The following FAM13C variants were observed in gnomAD, a reference collection of about 807,000 sequenced individuals.
FAM13C encodes the protein protein FAM13C.
In FAM13C, 37 loss-of-function variants were observed where a neutral mutation model predicts 73.2. That is an observed-to-expected ratio of 0.51 (90% CI 0.39 to 0.67). The LOEUF is 0.67. FAM13C is among the 30% of genes least tolerant of loss of function. The pLI is 0.00. For missense variants in FAM13C, 589 were observed against 715.6 expected, an observed-to-expected ratio of 0.82 and a Z score of 2.02; for synonymous variants, 246 against 260.9, an observed-to-expected ratio of 0.94 and a Z score of 0.55.
chr10:59,360,609 A>C (rs890267087), intron 1 of FAM13C, among the ~76,000 whole-genome samples: 9 of 152,142 alleles, frequency 5.9e-5, no homozygotes, highest in Non-Finnish European at 5.9e-5. Context: ...GGCAATGACT[A>C]GTTTTAAACA....
chr10:59,322,264 C>T (rs1459448718), intron 4 of FAM13C, among the ~76,000 whole-genome samples: 2 of 152,154 alleles, frequency 1.3e-5, no homozygotes, highest in Non-Finnish European at 2.9e-5. Context: ...TGATAAATAA[C>T]TGTAGTTTAA....
chr10:59,355,763 A>G, intron 2 of FAM13C, 124 bp downstream of exon 2: 1 of 999,834 alleles, frequency 1.0e-6, no homozygotes. Context: ...AATCTAGTAG[A>G]AGAGATGAGA....
chr10:59,319,896 A>C (rs948492844), intron 4 of FAM13C, among the ~76,000 whole-genome samples: 1 of 152,200 alleles, frequency 6.6e-6, no homozygotes, highest in Non-Finnish European at 1.5e-5. Context: ...TCCATATTAA[A>C]ATGAAAACAT....
rs1840793404 is a variant in FAM13C, at chr10:59,247,314, T to G, written c.*300A>C. The G allele has an allele frequency of 9.6e-6, 3 of 311,982 alleles. No individual in the cohort carries two copies. The South Asian group carries it at 1.2e-4, about 12-fold the overall frequency. 19.3% of individuals were successfully genotyped at this position (311,982 alleles called of 1,614,324 possible). ...CTAACAAGTGTCCTAGCTATGTTAT[T>G]TAGATTTGATAAAATATTAGACATT... On this transcript the variant is annotated 3_prime_UTR_variant, in exon 14 of 14. Coordinates refer to ENST00000618804, the MANE Select transcript of FAM13C (RefSeq NM_198215.4).
intron 6 of FAM13C, among the ~76,000 whole-genome samples, chr10:59,271,780 A>G (rs1326269813): frequency 6.6e-6 from 1 of 152,228 alleles, no homozygotes; most frequent in Non-Finnish European, 1.5e-5. Context: ...CTAAGAAGAA[A>G]TGTGTTTTAT....
At chr10:59,276,950 C>A (rs1330628455) in intron 6 of FAM13C, among the ~76,000 whole-genome samples, 1 of 152,068 alleles carries the variant, frequency 6.6e-6, no homozygotes, top group Non-Finnish European at 1.5e-5. Context: ...GCAAATGGGT[C>A]CTGAATTAAT....
chr10:59,275,831 G>A (rs1271639058), intron 6 of FAM13C, among the ~76,000 whole-genome samples: 1 of 152,134 alleles, frequency 6.6e-6, no homozygotes, highest in African/African-American at 2.4e-5. Context: ...TTGGTCTAAT[G>A]TAAAAAGTAA....
chr10:59,276,256 A>C (rs1844311769), intron 6 of FAM13C, among the ~76,000 whole-genome samples: 1 of 152,212 alleles, frequency 6.6e-6, no homozygotes, highest in Admixed American at 6.5e-5. Context: ...GAACAATATG[A>C]AATGTCATTT....
chr10:59,263,619 GAA>G (rs1315006686), intron 9 of FAM13C, among the ~76,000 whole-genome samples: 2 of 152,172 alleles, frequency 1.3e-5, no homozygotes, highest in Non-Finnish European at 2.9e-5. Flanking sequence ...GAGAAAGACA[GAA>G]AAAGAAGGAC....
At chr10:59,277,489 A>G (rs1485294537) in intron 6 of FAM13C, among the ~76,000 whole-genome samples, 1 of 152,142 alleles carries the variant, frequency 6.6e-6, no homozygotes, top group East Asian at 1.9e-4. Context: ...ACCTCTGCTG[A>G]TATTTACAAA....
At chr10:59,291,134 T>C (rs1302890306) in intron 5 of FAM13C, among the ~76,000 whole-genome samples, 1 of 152,138 alleles carries the variant, frequency 6.6e-6, no homozygotes, top group African/African-American at 2.4e-5. Flanking sequence ...AGCTTTTCTC[T>C]GAGCCCCAGC....
intron 3 of FAM13C, among the ~76,000 whole-genome samples, chr10:59,351,331 C>CA (rs10666673): frequency 0.26 from 34,838 of 134,194 alleles, 4,876 homozygotes; most frequent in African/African-American, 0.33. Flanking sequence ...GACCCTGTCT[C>CA]AAAAAAAAAA....
intron 1 of FAM13C, among the ~76,000 whole-genome samples, chr10:59,357,357 G>T (rs1258233212): frequency 6.6e-6 from 1 of 152,102 alleles, no homozygotes; most frequent in African/African-American, 2.4e-5. Context: ...GTACCACTGA[G>T]ATCTTTTTGA....
intron 3 of FAM13C, among the ~76,000 whole-genome samples, chr10:59,338,191 T>C (rs973063569): frequency 3.3e-5 from 5 of 152,138 alleles, no homozygotes; most frequent in Non-Finnish European, 7.4e-5. Flanking sequence ...CTTAGATGCT[T>C]CACTGGGATG....
intron 1 of FAM13C, among the ~76,000 whole-genome samples, chr10:59,356,713 AT>A (rs778821640): frequency 3.9e-4 from 59 of 152,208 alleles, no homozygotes; most frequent in Non-Finnish European, 7.3e-4. Flanking sequence ...ATGATGGTTA[AT>A]ATTGAGTATT....
At chr10:59,283,178 T>C (rs1040065927) in intron 6 of FAM13C, among the ~76,000 whole-genome samples, 185 bp downstream of exon 6, 5 of 152,130 alleles carry the variant, frequency 3.3e-5, no homozygotes, top group Non-Finnish European at 1.5e-5. Flanking sequence ...AGGTCTATGT[T>C]ATAGCAAATC....
chr10:59,337,890 G>A (rs923119890), intron 3 of FAM13C, among the ~76,000 whole-genome samples: 28 of 151,580 alleles, frequency 1.8e-4, no homozygotes, highest in African/African-American at 4.6e-4. Context: ...ATGTTGGCCC[G>A]CCTGGTCTCG....
In FAM13C at chr10:59,319,106, C is replaced by T. The variant is rs545460466; in HGVS notation, c.443+4882G>A. Among the ~76,000 whole-genome samples, 7 of 148,226 alleles carry T rather than the reference C, an allele frequency of 4.7e-5. No individual in the cohort carries two copies. In the South Asian group the frequency reaches 1.5e-3, roughly 31 times the overall value. On this transcript the variant is annotated intron_variant, in intron 4 of 13. Coordinates refer to ENST00000618804, the MANE Select transcript of FAM13C (RefSeq NM_198215.4). Reference sequence around the variant, plus strand: ...ACACACACACACACACACACACACACACACACACACACATTGTCTATCTCA... The same window carrying T: ...ACACACACACACACACACACACACATACACACACACACATTGTCTATCTCA...
chr10:59,269,892 T>C lies in FAM13C; in HGVS notation c.803+7A>G. 5 of 1,613,598 alleles carry C rather than the reference T, an allele frequency of 3.1e-6. No individual in the cohort carries two copies. In the South Asian group the frequency reaches 4.4e-5, roughly 14 times the overall value. ...AAATGAAGACAATAACAAAACAGTT[T>C]TCTCACATCATAAACTGCTGAGTGC... On this transcript the variant is annotated splice_region_variant and intron_variant, in intron 7 of 13. Coordinates refer to ENST00000618804, the MANE Select transcript of FAM13C (RefSeq NM_198215.4).
Sources: gnomAD v4.1 joint callset for allele counts (sites outside exome capture counted in the v4.1 genomes callset) on GRCh38, gnomAD v4.1.1 for gene constraint, MANE v1.5 for transcripts, NCBI Gene and HGNC (gene_info 2026-07-23, HGNC 2026-07-21) for gene names.